Variants in OGDH observed in about 807,000 individuals in gnomAD.
OGDH encodes oxoglutarate dehydrogenase.
A neutral mutation model predicts 116.6 loss-of-function variants in OGDH; 38 were observed. That is an observed-to-expected ratio of 0.33 (90% CI 0.25 to 0.43). The LOEUF is 0.43. OGDH is among the 20% of genes least tolerant of loss of function. OGDH has a pLI of 1.00. For synonymous variants in OGDH, 488 were observed against 533.3 expected (o/e 0.92, Z 1.17); for missense variants, 825 against 1,357.2 (o/e 0.61, Z 6.16).
chr7:44,616,819 A>ACG (rs1278578083), intron 1 of OGDH, among the ~76,000 whole-genome samples: 12 of 130,498 alleles, frequency 9.2e-5, no homozygotes, highest in African/African-American at 2.8e-4. Context: ...ATATATACGT[A>ACG]TATATGTGTA....
intron 2 of OGDH, among the ~76,000 whole-genome samples, 159 bp from the exon 3 acceptor site, chr7:44,645,168 C>T (rs541876079): frequency 3.9e-4 from 60 of 152,218 alleles, no homozygotes; most frequent in African/African-American, 1.3e-3. Flanking sequence ...AGAAACCCAC[C>T]GTTTGGGAAC....
chr7:44,634,428 A>G (rs2115622537), intron 2 of OGDH, among the ~76,000 whole-genome samples: 1 of 152,348 alleles, frequency 6.6e-6, no homozygotes, highest in Middle Eastern at 3.4e-3. Context: ...CCTTTAGTCT[A>G]GTGCAGAATC....
At chr7:44,606,984 T>A (rs1306601208) in intron 1 of OGDH, among the ~76,000 whole-genome samples, 1 of 152,068 alleles carries the variant, frequency 6.6e-6, no homozygotes, top group African/African-American at 2.4e-5. Flanking sequence ...GCGGCGGATG[T>A]GAGGGAGAGG....
At chr7:44,629,489 T>C (rs553693610) in intron 2 of OGDH, among the ~76,000 whole-genome samples, 1 of 152,306 alleles carries the variant, frequency 6.6e-6, no homozygotes, top group Admixed American at 6.5e-5. Flanking sequence ...TGCTCTGTGC[T>C]TTCCTCTGCC....
intron 4 of OGDH, among the ~76,000 whole-genome samples, chr7:44,654,858 C>T (rs1192999881): frequency 1.3e-5 from 2 of 152,188 alleles, no homozygotes; most frequent in African/African-American, 4.8e-5. Context: ...CATCCGCTCC[C>T]TCTCTCCTCC....
chr7:44,667,384 T>C (rs1393767232), intron 5 of OGDH, among the ~76,000 whole-genome samples: 1 of 152,190 alleles, frequency 6.6e-6, no homozygotes, highest in Non-Finnish European at 1.5e-5. Context: ...TTATTACAGA[T>C]GGAAGGAGAG....
intron 5 of OGDH, among the ~76,000 whole-genome samples, chr7:44,671,580 G>A (rs565742770): frequency 3.3e-5 from 5 of 150,952 alleles, no homozygotes; most frequent in Non-Finnish European, 7.4e-5. Context: ...TGGCTAACAC[G>A]GTGAAACCCC....
chr7:44,656,303 C>T (rs746668896), intron 4 of OGDH: 3 of 1,535,872 alleles, frequency 2.0e-6, no homozygotes, highest in Non-Finnish European at 2.6e-6. Context: ...CATGATACCC[C>T]ACTCTGCCTC....
intron 2 of OGDH, among the ~76,000 whole-genome samples, chr7:44,632,346 G>A (rs1023954516): frequency 3.9e-5 from 6 of 152,104 alleles, no homozygotes; most frequent in Admixed American, 3.9e-4. Flanking sequence ...ATACTGGAGT[G>A]CAGTGGCACC....
At chr7:44,649,099 A>G (rs1011920222) in intron 4 of OGDH, among the ~76,000 whole-genome samples, 17 of 152,114 alleles carry the variant, frequency 1.1e-4, no homozygotes, top group African/African-American at 3.4e-4. Flanking sequence ...TCAGGTGCTC[A>G]GAGCAGGCCA....
chr7:44,611,450 A>AT (rs1290991349), intron 1 of OGDH, among the ~76,000 whole-genome samples: 1 of 146,230 alleles, frequency 6.8e-6, no homozygotes, highest in Non-Finnish European at 1.5e-5. Context: ...TTTTTTTTGT[A>AT]TTTTTTAGTA....
intron 18 of OGDH, 47 bp from the exon 19 acceptor site, chr7:44,700,094 A>T (rs1788760398): frequency 6.2e-7 from 1 of 1,607,096 alleles, no homozygotes; most frequent in African/African-American, 1.3e-5. Context: ...GCCCCAGAAG[A>T]CTCAGTGCTG....
chr7:44,699,882 G>T (rs762596471), intron 18 of OGDH, among the ~76,000 whole-genome samples: 6 of 152,074 alleles, frequency 3.9e-5, no homozygotes, highest in Non-Finnish European at 4.4e-5. Flanking sequence ...GTAAGAGAGT[G>T]GGGGAGAGGG....
intron 1 of OGDH, among the ~76,000 whole-genome samples, chr7:44,613,154 G>A (rs1784632249): frequency 6.6e-6 from 1 of 151,062 alleles, no homozygotes; most frequent in African/African-American, 2.4e-5. Flanking sequence ...GGGATTACAG[G>A]CATGAGCCAC....
rs184137499 is a variant in OGDH, at chr7:44,632,918, T to A, written c.222+8353T>A. On this transcript the variant is annotated intron_variant, in intron 2 of 22. Transcript: ENST00000222673. ...GTACTGTACTTTAAGAAAAAAAAAA[T>A]TTTGTTTAATGTCAGAAATTGAAAG... Among the ~76,000 whole-genome samples, 827 of 151,506 alleles carry A rather than the reference T, an allele frequency of 5.5e-3. 8 individuals carry two copies. The highest frequency in any genetic ancestry group is 0.017 in the African/African-American group (708 of 41,318).
At chr7:44,689,026 A>T (rs1585371991) in intron 10 of OGDH, among the ~76,000 whole-genome samples, 1 of 152,008 alleles carries the variant, frequency 6.6e-6, no homozygotes, top group African/African-American at 2.4e-5. Flanking sequence ...CTCTTATTAC[A>T]GGCATGAGCC....
At position 44,697,710 on chromosome 7, in the gene OGDH, C is replaced by T. The variant is rs764473756; in HGVS notation, c.2286C>T (p.Ile762=). The T allele has an allele frequency of 1.2e-6, 2 of 1,614,138 alleles. No individual in the cohort carries two copies. The highest frequency in any genetic ancestry group is 2.7e-5 in the African/African-American group (2 of 74,950). ...CCCAGTGTATCATCGACCAGTTCAT[C>T]TGCCCGGGACAAGCCAAGTGGGTGC... ...NTAQCIIDQF[I]CPGQAKWVRQ... is the part of the protein sequence containing the mutation. Residue 762 remains isoleucine (I), a synonymous_variant, in exon 17 of 23, where the codon ATC becomes ATT. Coordinates refer to ENST00000222673, the MANE Select transcript of OGDH (RefSeq NM_002541.4). This position sits in a 1 kb window ranked among gnomAD's most constrained non-coding sequence, Gnocchi z 6.0.
intron 10 of OGDH, among the ~76,000 whole-genome samples, chr7:44,689,392 CTTTT>C (rs561058807): frequency 7.0e-5 from 5 of 71,220 alleles, no homozygotes; most frequent in Non-Finnish European, 1.1e-4. Context: ...ATTTTTTTTT[CTTTT>C]TTTTTTTTTT....
intron 2 of OGDH, among the ~76,000 whole-genome samples, chr7:44,633,406 C>T (rs1381791844): frequency 6.6e-6 from 1 of 152,146 alleles, no homozygotes; most frequent in Non-Finnish European, 1.5e-5. Context: ...AAGTCAGAGG[C>T]AGGCTCAGCT....
Sources: gnomAD v4.1 joint callset for allele counts (sites outside exome capture counted in the v4.1 genomes callset) on GRCh38, gnomAD v4.1.1 for gene constraint, Gnocchi (gnomAD v3.1) non-coding constraint, MANE v1.5 for transcripts, NCBI Gene and HGNC (gene_info 2026-07-23, HGNC 2026-07-21) for gene names.